MAML3: variants seen among roughly 807,000 people sequenced by gnomAD.
MAML3 encodes mastermind like transcriptional coactivator 3.
In MAML3, 27 loss-of-function variants were observed where a neutral mutation model predicts 101.9. That is an observed-to-expected ratio of 0.27 (90% CI 0.20 to 0.37). The LOEUF (loss-of-function observed/expected upper bound fraction) is 0.37, where lower values mean the gene tolerates loss of function less well. Ranked by LOEUF, MAML3 falls within the 10% of genes least tolerant of loss-of-function variation. The pLI is 1.00. For missense variants in MAML3, 1,316 were observed against 1,444.9 expected (o/e 0.91, Z 1.45); for synonymous variants, 501 against 555.9 (o/e 0.90, Z 1.39).
chr4:139,864,437 G>T (rs1165637887), intron 2 of MAML3, among the ~76,000 whole-genome samples: 1 of 152,146 alleles, frequency 6.6e-6, no homozygotes, highest in Non-Finnish European at 1.5e-5. Context: ...CCAGCACTTT[G>T]GGAGGCCGAG....
intron 2 of MAML3, among the ~76,000 whole-genome samples, chr4:139,824,062 C>G (rs1731019735): frequency 6.6e-6 from 1 of 152,102 alleles, no homozygotes; most frequent in Admixed American, 6.5e-5. Context: ...AAAATATATA[C>G]TGAAGCAGAA....
intron 1 of MAML3, among the ~76,000 whole-genome samples, chr4:140,021,421 C>G (rs934181820): frequency 6.6e-6 from 1 of 152,158 alleles, no homozygotes; most frequent in Non-Finnish European, 1.5e-5. Context: ...GAGGGCCTAC[C>G]TAATGTGTGC....
At position 139,735,910 on chromosome 4, in the gene MAML3, C is replaced by T. The variant is rs1728923571; in HGVS notation, c.2080-5243G>A. ...AGGGGCCCTGGAGGTCCTCGGCCCG[C>T]GCGCGCCGCTCGGGAGCCCGCGAGG... On this transcript the variant is annotated intron_variant, in intron 2 of 4. Coordinates refer to ENST00000509479, the MANE Select transcript of MAML3 (RefSeq NM_018717.5). This position sits in a 1 kb window ranked among gnomAD's most constrained non-coding sequence, Gnocchi z 5.8. Among the ~76,000 whole-genome samples, 2 of 151,900 alleles carry T rather than the reference C, an allele frequency of 1.3e-5. No homozygotes were observed. The highest frequency in any genetic ancestry group is 2.9e-5 in the Non-Finnish European group (2 of 67,950).
At chr4:139,981,493 C>T (rs1357886182) in intron 1 of MAML3, among the ~76,000 whole-genome samples, 15 of 152,062 alleles carry the variant, frequency 9.9e-5, no homozygotes. Context: ...TATCCTGTAC[C>T]TAGTTTTTCC....
intron 1 of MAML3, among the ~76,000 whole-genome samples, chr4:139,958,274 G>GC (rs1221638992): frequency 3.9e-5 from 6 of 152,140 alleles, no homozygotes; most frequent in Admixed American, 2.0e-4. Flanking sequence ...AGGTACTCCT[G>GC]CTGACATTCC....
At chr4:139,967,109 T>C (rs899051718) in intron 1 of MAML3, among the ~76,000 whole-genome samples, 4 of 152,158 alleles carry the variant, frequency 2.6e-5, no homozygotes, top group Admixed American at 1.3e-4. Flanking sequence ...ATTAGAAGAA[T>C]CAACACAGCA....
At chr4:140,062,739 T>C (rs1727467889) in intron 1 of MAML3, among the ~76,000 whole-genome samples, 1 of 152,196 alleles carries the variant, frequency 6.6e-6, no homozygotes, top group South Asian at 2.1e-4. Flanking sequence ...AACAACTGCT[T>C]AGGAATGGGA....
At chr4:139,961,893 C>A (rs1734021117) in intron 1 of MAML3, among the ~76,000 whole-genome samples, 1 of 152,084 alleles carries the variant, frequency 6.6e-6, no homozygotes, top group Non-Finnish European at 1.5e-5. Context: ...GCAGGTGGAT[C>A]ACTTGGGCTC....
At chr4:139,872,819 T>A (rs1031471114) in intron 2 of MAML3, among the ~76,000 whole-genome samples, 1 of 152,132 alleles carries the variant, frequency 6.6e-6, no homozygotes, top group Admixed American at 6.5e-5. Context: ...GGTTCATGCC[T>A]GTAATCCCAG....
intron 1 of MAML3, among the ~76,000 whole-genome samples, chr4:139,901,859 C>CTT (rs1732728314): frequency 6.6e-6 from 1 of 152,172 alleles, no homozygotes; most frequent in South Asian, 2.1e-4. Flanking sequence ...TCATTGTTTA[C>CTT]TTAAAATGTC....
At chr4:139,798,076 GAA>G (rs1730546487) in intron 2 of MAML3, among the ~76,000 whole-genome samples, 1 of 136,974 alleles carries the variant, frequency 7.3e-6, no homozygotes, top group Non-Finnish European at 1.6e-5. Context: ...AAGAAAGAAA[GAA>G]AGAAAGAAAG....
intron 1 of MAML3, among the ~76,000 whole-genome samples, chr4:140,146,441 TC>T (rs1225018136): frequency 6.6e-6 from 1 of 152,200 alleles, no homozygotes; most frequent in African/African-American, 2.4e-5. Flanking sequence ...CAGCAGGCCC[TC>T]AACTCCATTT....
chr4:139,978,120 C>T (rs1290163733), intron 1 of MAML3, among the ~76,000 whole-genome samples: 2 of 152,132 alleles, frequency 1.3e-5, no homozygotes, highest in African/African-American at 4.8e-5. Flanking sequence ...TTAGAATTCA[C>T]TCCATCCCTC....
chr4:140,004,375 T>G (rs1111339), intron 1 of MAML3, among the ~76,000 whole-genome samples: 1 of 151,254 alleles, frequency 6.6e-6, no homozygotes, highest in African/African-American at 2.4e-5. Context: ...TTCAAGAACG[T>G]AATTCCCAGA....
intron 1 of MAML3, among the ~76,000 whole-genome samples, chr4:139,909,960 T>C (rs1005268447): frequency 3.0e-4 from 45 of 149,234 alleles, no homozygotes; most frequent in African/African-American, 1.0e-3. Context: ...TAGTTGGAAA[T>C]GAGTCCTGTT....
At chr4:139,840,173 TCCCCTGGCTTCTGG>T (rs1345938785) in intron 2 of MAML3, among the ~76,000 whole-genome samples, 1 of 152,136 alleles carries the variant, frequency 6.6e-6, no homozygotes, top group African/African-American at 2.4e-5. Context: ...CACTACATGG[TCCCCTGGCTTCTGG>T]CCCCTGGGAT....
chr4:140,050,530 C>G (rs1298774785), intron 1 of MAML3, among the ~76,000 whole-genome samples: 1 of 151,596 alleles, frequency 6.6e-6, no homozygotes, highest in Non-Finnish European at 1.5e-5. Flanking sequence ...GCTGTACATC[C>G]TCGCACCGCC....
intron 2 of MAML3, among the ~76,000 whole-genome samples, chr4:139,842,115 C>T (rs563559032): frequency 6.6e-6 from 1 of 152,258 alleles, no homozygotes; most frequent in South Asian, 2.1e-4. Context: ...CAAGGCATCC[C>T]CTGGGAAGAC....
At chr4:139,800,844 G>C (rs1171264481) in intron 2 of MAML3, among the ~76,000 whole-genome samples, 2 of 152,228 alleles carry the variant, frequency 1.3e-5, no homozygotes, top group Non-Finnish European at 2.9e-5. Context: ...CAGTAATCCT[G>C]TTGAGGAGAG....
Sources: gnomAD v4.1 joint callset for allele counts (sites outside exome capture counted in the v4.1 genomes callset) on GRCh38, gnomAD v4.1.1 for gene constraint, Gnocchi (gnomAD v3.1) non-coding constraint, MANE v1.5 for transcripts, NCBI Gene and HGNC (gene_info 2026-07-23, HGNC 2026-07-21) for gene names.